The following YTHDC1 variants were observed in gnomAD, a reference collection of about 807,000 sequenced individuals.
The protein encoded by YTHDC1 is YTH N6-methyladenosine RNA binding protein C1.
A neutral mutation model predicts 107.0 loss-of-function variants in YTHDC1; 12 were observed. The ratio of observed to expected loss-of-function variants is 0.11; its 90% confidence interval spans 0.07 to 0.18. The LOEUF is 0.18. Ranked by LOEUF, YTHDC1 falls within the 10% of genes least tolerant of loss-of-function variation. The pLI is 1.00. For synonymous variants in YTHDC1, 280 were observed against 289.5 expected, an observed-to-expected ratio of 0.97 and a Z score of 0.33; for missense variants, 635 against 898.8, an observed-to-expected ratio of 0.71 and a Z score of 3.75.
At chr4:68,317,174 T>A (rs953381240) in intron 15 of YTHDC1, among the ~76,000 whole-genome samples, 1 of 152,038 alleles carries the variant, frequency 6.6e-6, no homozygotes, top group African/African-American at 2.4e-5. Context: ...CACAGAGCTA[T>A]CATCACACCA....
chr4:68,320,879 AT>A (rs915550097), intron 11 of YTHDC1, among the ~76,000 whole-genome samples: 208 of 150,556 alleles, frequency 1.4e-3, no homozygotes, highest in East Asian at 4.3e-3. Flanking sequence ...AATTAAGGGA[AT>A]TTTTTTTTTC....
At position 68,311,204 on chromosome 4, in the gene YTHDC1, C is replaced by T. The variant is rs956391105; in HGVS notation, c.*2895G>A. On this transcript the variant is annotated 3_prime_UTR_variant, in exon 17 of 17. Coordinates refer to ENST00000344157, the MANE Select transcript of YTHDC1 (RefSeq NM_001031732.4). The stretch of plus-strand genomic sequence containing the variant: ...TCCTTTTGGGGAACTGACATGGACA[C>T]TGGGAGGAAAATAGTCTCTCTCCTG... The T allele has an allele frequency of 1.3e-5, 2 of 152,012 alleles. No individual in the cohort carries two copies. The highest frequency in any genetic ancestry group is 2.9e-5 in the Non-Finnish European group (2 of 68,012). The allele number at this position is 152,012 out of a possible 1,614,324, so 9.4% of individuals were successfully genotyped here.
chr4:68,313,833 G>T lies in YTHDC1; in HGVS notation c.*266C>A, dbSNP rs1721512705. ...CACTATAAGAACATTTATGGAGAAA[G>T]AATCAGTATCTACATTCTTGGACTG... is the stretch of plus-strand genomic sequence containing the variant. On this transcript the variant is annotated 3_prime_UTR_variant, in exon 17 of 17. Transcript: ENST00000344157. 1 of 469,110 alleles carries T rather than the reference G, an allele frequency of 2.1e-6. No individual in the cohort carries two copies. Among genetic ancestry groups the T allele is most frequent in the African/African-American group, 1.9e-5 (1 of 51,556 alleles). The allele number at this position is 469,110 out of a possible 1,614,324, so 29.1% of individuals were successfully genotyped here. A position where few individuals can be genotyped will look rare whatever the true frequency, so the allele number is the denominator to read the frequency against.
intron 1 of YTHDC1, 137 bp downstream of exon 1, chr4:68,349,589 G>A (rs969143253): frequency 5.4e-5 from 75 of 1,386,368 alleles, no homozygotes; most frequent in Middle Eastern, 4.4e-4. Context: ...AAGTGTCTCG[G>A]TGGGGGCCAC....
Position 68,349,957 on chromosome 4 carries a change from C to G in YTHDC1, c.-204G>C, listed in dbSNP as rs552337264. 2.6e-5 allele frequency: 18 copies of G among 699,550 alleles called. No homozygotes were observed. The East Asian group carries it at 4.9e-4, about 19-fold the overall frequency. The allele number at this position is 699,550 out of a possible 1,614,324, so 43.3% of individuals were successfully genotyped here. A position where few individuals can be genotyped will look rare whatever the true frequency, so the allele number is the denominator to read the frequency against. On this transcript the variant is annotated 5_prime_UTR_variant, in exon 1 of 17. Coordinates refer to ENST00000344157, the MANE Select transcript of YTHDC1 (RefSeq NM_001031732.4). ...CCCTTCCTTTCACTCCAGCATCCAG[C>G]GGCCTAGGCCCAGCCTTCTCGTTAG...
intron 9 of YTHDC1, among the ~76,000 whole-genome samples, chr4:68,326,556 C>T (rs995313662): frequency 6.6e-6 from 1 of 152,084 alleles, no homozygotes; most frequent in African/African-American, 2.4e-5. Context: ...AGTGGTTCTG[C>T]AAATAGGGCA....
At chr4:68,336,884 A>C in intron 4 of YTHDC1, 143 bp downstream of exon 4, 1 of 1,173,450 alleles carries the variant, frequency 8.5e-7, no homozygotes, top group Non-Finnish European at 1.2e-6. Context: ...ATGTATTTAT[A>C]ACATTCAAAA....
Position 68,322,733 on chromosome 4 carries a change from A to C in YTHDC1, c.1601+16T>G, listed in dbSNP as rs756855171. On this transcript the variant is annotated intron_variant, in intron 11 of 16. Coordinates refer to ENST00000344157, the MANE Select transcript of YTHDC1 (RefSeq NM_001031732.4). This position sits in a 1 kb window ranked among gnomAD's most constrained non-coding sequence, Gnocchi z 4.8. ...TGATACATGTGCCTATTATCAGTCC[A>C]AAGAACGTTTCTAACCTTCCCACAT... 1 of 1,613,482 alleles carries C rather than the reference A, an allele frequency of 6.2e-7. No individual in the cohort carries two copies. Among genetic ancestry groups the C allele is most frequent in the South Asian group, 1.1e-5 (1 of 91,020 alleles).
intron 11 of YTHDC1, 150 bp from the exon 12 acceptor site, chr4:68,320,355 A>G (rs1159174651): frequency 1.8e-6 from 1 of 562,976 alleles, no homozygotes; most frequent in East Asian, 3.2e-5. Flanking sequence ...TAAAATTCCT[A>G]CATTTTGATT....
intron 1 of YTHDC1, among the ~76,000 whole-genome samples, chr4:68,342,302 G>T (rs922930449): frequency 6.6e-6 from 1 of 152,086 alleles, no homozygotes; most frequent in Non-Finnish European, 1.5e-5. Flanking sequence ...TTCAAAGCTG[G>T]AGCTTCTCCA....
chr4:68,342,713 G>A (rs1408869913), intron 1 of YTHDC1, among the ~76,000 whole-genome samples: 3 of 152,064 alleles, frequency 2.0e-5, no homozygotes, highest in South Asian at 2.1e-4. Flanking sequence ...ACTTGAAAAA[G>A]TACACTTTGC....
rs1722920650 is a variant in YTHDC1, at chr4:68,325,691, CAG to C, written c.1350-1470_1350-1469del. Among the ~76,000 whole-genome samples, 3 of 152,092 alleles carry C rather than the reference CAG, an allele frequency of 2.0e-5. No individual in the cohort carries two copies. In the South Asian group the frequency reaches 6.2e-4, roughly 32 times the overall value. ...AGCCACCACACCTGGCCTGAATGCT[CAG>C]ATCTTATATAACTTGTTTTAAACCT... is the stretch of plus-strand genomic sequence containing the variant. On this transcript the variant is annotated intron_variant, in intron 9 of 16. Transcript: ENST00000344157.
chr4:68,336,766 A>G (rs1214994118), intron 4 of YTHDC1, among the ~76,000 whole-genome samples: 1 of 152,188 alleles, frequency 6.6e-6, no homozygotes, highest in Admixed American at 6.5e-5. Context: ...TCTGAAATAC[A>G]TTTCCTTATA....
In YTHDC1 at chr4:68,310,651, ATG is replaced by A. The variant is rs1307385063; in HGVS notation, c.*3446_*3447del. The A allele has an allele frequency of 1.1e-4, 16 of 146,814 alleles. No homozygotes were observed. The highest frequency in any genetic ancestry group is 3.4e-4 in the African/African-American group (14 of 41,088). 9.1% of individuals were successfully genotyped at this position (146,814 alleles called of 1,614,324 possible). A position where few individuals can be genotyped will look rare whatever the true frequency, so the allele number is the denominator to read the frequency against. On this transcript the variant is annotated 3_prime_UTR_variant, in exon 17 of 17. Coordinates refer to ENST00000344157, the MANE Select transcript of YTHDC1 (RefSeq NM_001031732.4). ...CTTTCCTGTGTGCCTCAATTTTAAT[ATG>A]TGTTTCAAACTGCATTTGGAATGTT...
intron 1 of YTHDC1, among the ~76,000 whole-genome samples, chr4:68,344,597 A>T (rs947902025): frequency 3.9e-5 from 6 of 152,202 alleles, no homozygotes; most frequent in African/African-American, 1.4e-4. Flanking sequence ...TGGCTGATAG[A>T]TTCCACAGTT....
In YTHDC1 at chr4:68,322,319, T is replaced by C. The variant is rs990852333; in HGVS notation, c.1601+430A>G. Among the ~76,000 whole-genome samples, 1 of 152,196 alleles carries C rather than the reference T, an allele frequency of 6.6e-6. No homozygotes were observed. On this transcript the variant is annotated intron_variant, in intron 11 of 16. Transcript: ENST00000344157. This position sits in a 1 kb window ranked among gnomAD's most constrained non-coding sequence, Gnocchi z 4.8. The stretch of plus-strand genomic sequence containing the variant: ...CTGAAAAAATATTAGTGATCCTTTA[T>C]AAAAGTCCCATATCTGATAAGGCTT...
At chr4:68,346,323 G>A (rs2109749810) in intron 1 of YTHDC1, among the ~76,000 whole-genome samples, 1 of 152,140 alleles carries the variant, frequency 6.6e-6, no homozygotes, top group South Asian at 2.1e-4. Flanking sequence ...CCCTTGGGAG[G>A]TTGGGGATGC....
intron 16 of YTHDC1, among the ~76,000 whole-genome samples, chr4:68,315,157 T>C (rs959475985): frequency 7.2e-5 from 11 of 152,242 alleles, no homozygotes; most frequent in Non-Finnish European, 1.6e-4. Context: ...ACAACCCATC[T>C]AGTCAACTAA....
At chr4:68,317,979 T>A (rs189252948) in intron 15 of YTHDC1, among the ~76,000 whole-genome samples, 8 of 152,362 alleles carry the variant, frequency 5.3e-5, no homozygotes. Context: ...AAGCGGACTT[T>A]GCACTACTAA....
Sources: gnomAD v4.1 joint callset for allele counts (sites outside exome capture counted in the v4.1 genomes callset) on GRCh38, gnomAD v4.1.1 for gene constraint, Gnocchi (gnomAD v3.1) non-coding constraint, MANE v1.5 for transcripts, NCBI Gene and HGNC (gene_info 2026-07-23, HGNC 2026-07-21) for gene names.